Variants in MYO18B observed in about 807,000 individuals in gnomAD.
MYO18B encodes the protein myosin XVIIIB, also known as unconventional myosin-XVIIIb.
In MYO18B, 204 loss-of-function variants were observed where a neutral mutation model predicts 273.0. The observed-to-expected ratio is 0.75, with a 90% confidence interval of 0.67 to 0.84. MYO18B has a LOEUF of 0.84. Among genes scored for constraint, MYO18B ranks in the 40% least tolerant of loss-of-function variants. The pLI is 0.00. For synonymous variants in MYO18B, 1,330 were observed against 1,305.7 expected, an observed-to-expected ratio of 1.02 and a Z score of -0.40; for missense variants, 3,212 against 3,287.6, an observed-to-expected ratio of 0.98 and a Z score of 0.56.
intron 39 of MYO18B, among the ~76,000 whole-genome samples, chr22:25,974,951 G>A (rs1008561246): frequency 1.3e-5 from 2 of 152,326 alleles, no homozygotes; most frequent in South Asian, 2.1e-4. Flanking sequence ...CACTGGGAGA[G>A]TGTCAAAGAG....
rs183357753 is a variant in MYO18B, at chr22:25,937,019, T to A, written c.5518-9118T>A. ...ACACTTGATACTAAGTAGTTGTGAT[T>A]ATCCTACTACTAATAATAATATTTA... On this transcript the variant is annotated intron_variant, in intron 34 of 43. Transcript: ENST00000335473. Among the ~76,000 whole-genome samples, 24 of 152,320 alleles carry A rather than the reference T, an allele frequency of 1.6e-4. No individual in the cohort carries two copies. The East Asian group carries it at 4.0e-3, about 26-fold the overall frequency.
At chr22:25,755,892 C>T (rs2086102435) in intron 1 of MYO18B, among the ~76,000 whole-genome samples, 1 of 151,794 alleles carries the variant, frequency 6.6e-6, no homozygotes, top group African/African-American at 2.4e-5. Flanking sequence ...GCCAGTTGAA[C>T]TTTTTTCTTT....
chr22:25,825,611 G>A (rs1051874726), intron 13 of MYO18B, among the ~76,000 whole-genome samples: 12 of 152,036 alleles, frequency 7.9e-5, no homozygotes, highest in African/African-American at 2.9e-4. Context: ...TCCTCCTAAC[G>A]TTCTAGGTAG....
At chr22:25,843,177 A>G (rs979168645) in intron 17 of MYO18B, among the ~76,000 whole-genome samples, 12 of 151,962 alleles carry the variant, frequency 7.9e-5, no homozygotes, top group African/African-American at 2.7e-4. Flanking sequence ...GATCAGGCCC[A>G]TTTTTTTCTC....
intron 40 of MYO18B, among the ~76,000 whole-genome samples, chr22:25,997,148 C>T (rs183333218): frequency 1.1e-3 from 172 of 151,850 alleles, no homozygotes; most frequent in African/African-American, 4.0e-3. Flanking sequence ...CATGGTGAAA[C>T]CCTGTCTCTA....
chr22:25,848,155 G>C (rs2090315994), intron 20 of MYO18B, among the ~76,000 whole-genome samples: 3 of 152,198 alleles, frequency 2.0e-5, no homozygotes, highest in Non-Finnish European at 4.4e-5. Context: ...TCTTGCAACA[G>C]AGGGTGGAAT....
At chr22:26,058,738 C>G in the MYO18B span, among the ~76,000 whole-genome samples, 6 of 152,176 alleles carry the variant, frequency 3.9e-5, no homozygotes, top group African/African-American at 1.2e-4. Flanking sequence ...ACTGTGGGAT[C>G]CCTGCACATA....
At chr22:25,939,716 C>G (rs1464805706) in intron 34 of MYO18B, among the ~76,000 whole-genome samples, 2 of 152,182 alleles carry the variant, frequency 1.3e-5, no homozygotes, top group African/African-American at 4.8e-5. Flanking sequence ...GGGCATGTAC[C>G]ATACCACATT....
intron 11 of MYO18B, among the ~76,000 whole-genome samples, chr22:25,794,879 G>A (rs1179896810): frequency 6.6e-6 from 1 of 152,196 alleles, no homozygotes; most frequent in Non-Finnish European, 1.5e-5. Context: ...TTCCATGAAA[G>A]GCTCCTTTGA....
chr22:25,839,385 G>A (rs1380006378), intron 17 of MYO18B, among the ~76,000 whole-genome samples: 1 of 152,210 alleles, frequency 6.6e-6, no homozygotes, highest in Non-Finnish European at 1.5e-5. Flanking sequence ...AGGAGTCCTG[G>A]CATTTACTTA....
intron 12 of MYO18B, among the ~76,000 whole-genome samples, chr22:25,821,810 AAAG>A (rs1253411989): frequency 6.6e-6 from 1 of 152,188 alleles, no homozygotes; most frequent in African/African-American, 2.4e-5. Flanking sequence ...CAAACAAAAA[AAAG>A]AAGTCATTTA....
chr22:25,744,178 CTA>C (rs2085708868), intron 1 of MYO18B, among the ~76,000 whole-genome samples: 1 of 152,200 alleles, frequency 6.6e-6, no homozygotes, highest in Admixed American at 6.5e-5. Flanking sequence ...TAGGGTCTAA[CTA>C]TCGCAAAGAT....
Position 25,932,421 on chromosome 22 carries a change from TC to T in MYO18B, c.5517+11013del, listed in dbSNP as rs1569205754. Among the ~76,000 whole-genome samples, 226 of 91,076 alleles carry T rather than the reference TC, an allele frequency of 2.5e-3. 4 individuals carry two copies. Among genetic ancestry groups the T allele is most frequent in the Admixed American group, 3.4e-3 (32 of 9,370 alleles). The allele number at this position is 91,076 out of a possible 152,430, so 59.7% of individuals were successfully genotyped here. ...TTTTTTCTTTTCTTTCTTTTTTTTT[TC>T]TTTGAGACACAGTTTTGCTCTTGTC... On this transcript the variant is annotated intron_variant, in intron 34 of 43. Transcript: ENST00000335473.
chr22:25,902,352 G>C (rs1467147810), intron 29 of MYO18B, among the ~76,000 whole-genome samples: 1 of 152,182 alleles, frequency 6.6e-6, no homozygotes, highest in Non-Finnish European at 1.5e-5. Flanking sequence ...ATATCGAATA[G>C]TTCTGTGGCA....
the MYO18B span, among the ~76,000 whole-genome samples, chr22:26,049,179 A>G: frequency 6.6e-6 from 1 of 152,228 alleles, no homozygotes; most frequent in Non-Finnish European, 1.5e-5. Context: ...CAGTACCCTA[A>G]AGATCTCCGA....
intron 17 of MYO18B, among the ~76,000 whole-genome samples, chr22:25,841,731 C>A (rs2090087748): frequency 6.6e-6 from 1 of 152,240 alleles, no homozygotes; most frequent in Non-Finnish European, 1.5e-5. Flanking sequence ...CCTACTCGGT[C>A]ACGATCCTCA....
intron 21 of MYO18B, among the ~76,000 whole-genome samples, chr22:25,851,780 A>G (rs2090434803): frequency 6.6e-6 from 1 of 152,160 alleles, no homozygotes; most frequent in Admixed American, 6.5e-5. Context: ...CAGTGGGCTC[A>G]TGTTCCATAA....
At chr22:25,827,872 C>T (rs1373216657) in intron 14 of MYO18B, among the ~76,000 whole-genome samples, 5 of 152,220 alleles carry the variant, frequency 3.3e-5, no homozygotes, top group South Asian at 4.1e-4. Context: ...ATCAAAGTAC[C>T]TACTACAGCA....
the MYO18B span, among the ~76,000 whole-genome samples, chr22:26,061,995 C>G: frequency 5.3e-5 from 8 of 152,126 alleles, no homozygotes; most frequent in African/African-American, 1.7e-4. Context: ...AAATAAGAGG[C>G]AATTGAGACA....
Sources: gnomAD v4.1 joint callset for allele counts (sites outside exome capture counted in the v4.1 genomes callset) on GRCh38, gnomAD v4.1.1 for gene constraint, MANE v1.5 for transcripts, NCBI Gene and HGNC (gene_info 2026-07-23, HGNC 2026-07-21) for gene names.